SYNE1: variants seen among roughly 807,000 people sequenced by gnomAD.
The protein encoded by SYNE1 is nesprin-1.
In SYNE1, 616 loss-of-function variants were observed where a neutral mutation model predicts 1,111.0. The ratio of observed to expected loss-of-function variants is 0.55; its 90% CI spans 0.52 to 0.59. SYNE1 has a LOEUF of 0.59. Ranked by LOEUF, SYNE1 falls within the 20% of genes least tolerant of loss-of-function variation. SYNE1 has a pLI of 0.00. For missense variants in SYNE1, 10,006 were observed against 10,417.0 expected (o/e 0.96, Z 1.72); for synonymous variants, 3,855 against 3,825.8 (o/e 1.01, Z -0.28).
chr6:152,195,843 G>GGAGTCTGCAAATAGCAGGTGAAGGA (rs57572896), intron 127 of SYNE1, among the ~76,000 whole-genome samples: 27,489 of 152,066 alleles, frequency 0.18, 2,925 homozygotes, highest in African/African-American at 0.27. Context: ...CAAGGCCCTA[G>GGAGTCTGCAAATAGCAGGTGAAGGA]GCCATACAGG....
At position 152,261,095 on chromosome 6, in the gene SYNE1, C is replaced by T. The variant is rs1160899894; in HGVS notation, c.18972+937G>A. Among the ~76,000 whole-genome samples the T allele has an allele frequency of 2.0e-5, 3 of 152,234 alleles. No homozygotes were observed. The East Asian group carries it at 5.8e-4, about 29-fold the overall frequency. ...TCACTACAGTTATTGACACCCTTTG[C>T]TTCTGGTTTAGCCTCTCCCAGCCCC... On this transcript the variant is annotated intron_variant, in intron 101 of 145. Coordinates refer to ENST00000367255, the MANE Select transcript of SYNE1 (RefSeq NM_182961.4).
chr6:152,463,933 A>G (rs1449948003), intron 18 of SYNE1, among the ~76,000 whole-genome samples: 3 of 152,194 alleles, frequency 2.0e-5, no homozygotes, highest in South Asian at 4.1e-4. Context: ...TTGATGGGGT[A>G]TGAGTACAAT....
At chr6:152,297,973 T>A (rs1390773852) in intron 93 of SYNE1, among the ~76,000 whole-genome samples, 1 of 152,228 alleles carries the variant, frequency 6.6e-6, no homozygotes, top group Non-Finnish European at 1.5e-5. Flanking sequence ...CTCAGTACTA[T>A]AAATAACTAC....
At chr6:152,627,080 C>A (rs1460512292) in intron 3 of SYNE1, among the ~76,000 whole-genome samples, 1 of 152,136 alleles carries the variant, frequency 6.6e-6, no homozygotes, top group Non-Finnish European at 1.5e-5. Flanking sequence ...TTAGCAAAGA[C>A]TAGCACAAAA....
chr6:152,629,201 T>C (rs1203856807), intron 2 of SYNE1, among the ~76,000 whole-genome samples: 1 of 151,774 alleles, frequency 6.6e-6, no homozygotes, highest in African/African-American at 2.4e-5. Flanking sequence ...ATTCTCTGCA[T>C]TGGTTAAGTT....
chr6:152,252,507 A>G (rs963133640), intron 104 of SYNE1, among the ~76,000 whole-genome samples: 3 of 152,238 alleles, frequency 2.0e-5, no homozygotes, highest in African/African-American at 7.2e-5. Flanking sequence ...GTACATCTAC[A>G]TAACATCTAT....
chr6:152,350,320 G>C lies in SYNE1; in HGVS notation c.11749C>G (p.Leu3917Val). ...CSIGKEHVFS[L>V]EAKVKDHEDY... ...TCATGGTCTTTGACTTTCGCCTCCA[G>C]ACTGAAGACATGCTCCTGCAAAACC... The change falls in exon 72 of 146, where the codon CTG (leucine) becomes GTG (valine). Residue 3917 changes from leucine to valine, a missense_variant. Coordinates refer to ENST00000367255, the MANE Select transcript of SYNE1 (RefSeq NM_182961.4). 1 of 1,614,108 alleles carries C rather than the reference G, an allele frequency of 6.2e-7. No individual in the cohort carries two copies. Among genetic ancestry groups the C allele is most frequent in the Non-Finnish European group, 8.5e-7 (1 of 1,180,024 alleles).
rs142859220 is a variant in SYNE1, at chr6:152,358,454, C to T, written c.10527G>A (p.Gly3509=). 4 of 1,614,156 alleles carry T rather than the reference C, an allele frequency of 2.5e-6. No individual in the cohort carries two copies. The highest frequency in any genetic ancestry group is 2.2e-5 in the East Asian group (1 of 44,882). Residue 3509 remains glycine (G), a synonymous_variant, in exon 66 of 146, where the codon GGG becomes GGA. Coordinates refer to ENST00000367255, the MANE Select transcript of SYNE1 (RefSeq NM_182961.4). ...RDLKAFEVWL[G]QEQEKLDQYS... ...ACTGGTCGAGCTTTTCTTGTTCTTG[C>T]CCCAACCAAACTTCAAATGCCTTTA... is the stretch of plus-strand genomic sequence containing the variant.
chr6:152,339,668 A>G (rs995187320), intron 74 of SYNE1, among the ~76,000 whole-genome samples: 2 of 152,196 alleles, frequency 1.3e-5, no homozygotes, highest in African/African-American at 4.8e-5. Flanking sequence ...ATGCCAGCTT[A>G]TTTTCCATTC....
At chr6:152,277,627 T>G (rs761266958) in intron 98 of SYNE1, 2 of 205,636 alleles carry the variant, frequency 9.7e-6, no homozygotes, top group Non-Finnish European at 2.0e-5. Flanking sequence ...ATTGAGTTAT[T>G]TCCATCAACG....
At chr6:152,467,654 A>G (rs910300784) in intron 16 of SYNE1, among the ~76,000 whole-genome samples, 9 of 152,144 alleles carry the variant, frequency 5.9e-5, no homozygotes, top group African/African-American at 2.2e-4. Flanking sequence ...CTTATTTCCA[A>G]TTTAATTTCT....
intron 3 of SYNE1, among the ~76,000 whole-genome samples, chr6:152,544,172 G>C (rs557981673): frequency 2.0e-5 from 3 of 152,186 alleles, no homozygotes; most frequent in East Asian, 1.9e-4. Flanking sequence ...TGACAGCAGC[G>C]TCAGGGTAGA....
intron 145 of SYNE1, among the ~76,000 whole-genome samples, chr6:152,123,488 T>C (rs1289313425): frequency 6.6e-6 from 1 of 152,216 alleles, no homozygotes; most frequent in African/African-American, 2.4e-5. Flanking sequence ...AAACAGTGCA[T>C]TAGAGATTGA....
At chr6:152,267,491 C>G (rs931982136) in intron 100 of SYNE1, among the ~76,000 whole-genome samples, 2 of 152,108 alleles carry the variant, frequency 1.3e-5, no homozygotes, top group Non-Finnish European at 2.9e-5. Flanking sequence ...AAACTCAGAC[C>G]TGCCTCAAAA....
chr6:152,219,243 A>T, intron 119 of SYNE1, 58 bp from the exon 120 acceptor site: 1 of 1,523,876 alleles, frequency 6.6e-7, no homozygotes, highest in Non-Finnish European at 9.1e-7. Flanking sequence ...TATCATAAAC[A>T]GCAATCGGCA....
chr6:152,326,127 A>C, intron 79 of SYNE1, 25 bp from the exon 80 acceptor site: 6 of 1,614,102 alleles, frequency 3.7e-6, no homozygotes, highest in Non-Finnish European at 5.1e-6. Flanking sequence ...ACAGAAACTG[A>C]TAAGTAGCAC....
chr6:152,139,338 A>G (rs1019499505), intron 140 of SYNE1, among the ~76,000 whole-genome samples: 2 of 152,074 alleles, frequency 1.3e-5, no homozygotes, highest in Non-Finnish European at 2.9e-5. Flanking sequence ...TGGGAGGCTG[A>G]GGTGGGTGGA....
chr6:152,520,186 A>G (rs1316362536), intron 6 of SYNE1, among the ~76,000 whole-genome samples: 1 of 152,178 alleles, frequency 6.6e-6, no homozygotes, highest in Non-Finnish European at 1.5e-5. Context: ...AGTTAATAGT[A>G]TCATCCCAAT....
chr6:152,519,416 A>G lies in SYNE1; in HGVS notation c.309+1043T>C, dbSNP rs575507194. 3.9e-5 allele frequency among the ~76,000 whole-genome samples: 6 copies of G among 152,330 alleles called. No individual in the cohort carries two copies. The South Asian group carries it at 1.2e-3, about 32-fold the overall frequency. Reference sequence around the variant, plus strand: ...TTATGAGCCAATATTAAAAAGGTACAGGTGCAAGCCTGAAGGAGCTCTTAG... The same window carrying G: ...TTATGAGCCAATATTAAAAAGGTACGGGTGCAAGCCTGAAGGAGCTCTTAG... On this transcript the variant is annotated intron_variant, in intron 6 of 145. Coordinates refer to ENST00000367255, the MANE Select transcript of SYNE1 (RefSeq NM_182961.4).
Sources: gnomAD v4.1 joint callset for allele counts (sites outside exome capture counted in the v4.1 genomes callset) on GRCh38, gnomAD v4.1.1 for gene constraint, MANE v1.5 for transcripts, NCBI Gene and HGNC (gene_info 2026-07-23, HGNC 2026-07-21) for gene names.